Variants in PEAK1 observed in about 807,000 individuals in gnomAD.
PEAK1 encodes the protein pseudopodium enriched atypical kinase 1, also known as inactive tyrosine-protein kinase PEAK1.
PEAK1 carries 54 observed loss-of-function variants against 124.7 expected under a neutral mutation model. The ratio of observed to expected loss-of-function variants is 0.43; its 90% confidence interval spans 0.35 to 0.54. The LOEUF (loss-of-function observed/expected upper bound fraction) is 0.54. Ranked by LOEUF, PEAK1 falls within the 20% of genes least tolerant of loss-of-function variation. PEAK1 has a pLI of 0.01. For missense variants in PEAK1, 2,046 were observed against 2,134.5 expected, an observed-to-expected ratio of 0.96 and a Z score of 0.82; for synonymous variants, 719 against 760.0, an observed-to-expected ratio of 0.95 and a Z score of 0.89.
chr15:77,134,954 G>A (rs944319889), intron 8 of PEAK1, among the ~76,000 whole-genome samples: 2 of 152,144 alleles, frequency 1.3e-5, no homozygotes. Flanking sequence ...GACAGAGAGG[G>A]AAAACACTAC....
intron 6 of PEAK1, among the ~76,000 whole-genome samples, chr15:77,235,480 G>A (rs542688426): frequency 4.9e-4 from 75 of 152,290 alleles, no homozygotes; most frequent in African/African-American, 1.7e-3. Flanking sequence ...GAGATCTGTG[G>A]AACTTTGAAC....
intron 5 of PEAK1, among the ~76,000 whole-genome samples, chr15:77,273,881 C>T (rs1295385253): frequency 1.3e-5 from 2 of 152,080 alleles, no homozygotes; most frequent in Non-Finnish European, 2.9e-5. Context: ...TCAAACGATA[C>T]TATAAGGCCA....
intron 2 of PEAK1, chr15:77,349,121 C>G (rs975633091): frequency 9.5e-5 from 55 of 581,476 alleles, no homozygotes; most frequent in South Asian, 5.4e-4. Context: ...CTCACTGCAA[C>G]CTCCACCTCC....
chr15:77,252,606 T>A, intron 5 of PEAK1, 80 bp from the exon 6 acceptor site: 1 of 744,994 alleles, frequency 1.3e-6, no homozygotes, highest in Non-Finnish European at 1.6e-6. Flanking sequence ...TAGATATTCC[T>A]AATATCACCC....
chr15:77,377,399 A>G (rs2069115591), intron 1 of PEAK1, among the ~76,000 whole-genome samples: 1 of 151,932 alleles, frequency 6.6e-6, no homozygotes, highest in African/African-American at 2.4e-5. Flanking sequence ...ATAAAGTAAA[A>G]CACAATTACA....
At chr15:77,276,970 C>T (rs759691493) in intron 5 of PEAK1, among the ~76,000 whole-genome samples, 4 of 151,698 alleles carry the variant, frequency 2.6e-5, no homozygotes, top group Non-Finnish European at 4.4e-5. Flanking sequence ...GTAGTACAGC[C>T]GACTATGACT....
chr15:77,288,404 C>A (rs988424777), intron 2 of PEAK1, among the ~76,000 whole-genome samples: 1 of 152,184 alleles, frequency 6.6e-6, no homozygotes, highest in Non-Finnish European at 1.5e-5. Context: ...TCTCTGGAAA[C>A]CCTGACCACA....
intron 1 of PEAK1, among the ~76,000 whole-genome samples, chr15:77,383,787 G>A (rs1191597655): frequency 1.3e-5 from 2 of 151,980 alleles, no homozygotes. Context: ...GAATGACTTT[G>A]GTCAATCTAA....
chr15:77,145,270 G>A (rs2152760447), intron 8 of PEAK1, among the ~76,000 whole-genome samples: 1 of 152,260 alleles, frequency 6.6e-6, no homozygotes, highest in African/African-American at 2.4e-5. Flanking sequence ...GCAACATGGT[G>A]AAACCCCATC....
At chr15:77,288,544 G>A (rs995039649) in intron 2 of PEAK1, among the ~76,000 whole-genome samples, 1 of 152,192 alleles carries the variant, frequency 6.6e-6, no homozygotes, top group Non-Finnish European at 1.5e-5. Context: ...TAAAACCAGT[G>A]AGAAGGGAAA....
In PEAK1 at chr15:77,412,865, G is replaced by T. The variant is rs28391316; in HGVS notation, c.-666+7141C>A. Among the ~76,000 whole-genome samples the T allele has an allele frequency of 2.0e-3, 308 of 152,236 alleles. 1 individual carries two copies. Among genetic ancestry groups the T allele is most frequent in the African/African-American group, 7.1e-3 (295 of 41,530 alleles). On this transcript the variant is annotated intron_variant, in intron 1 of 9. Transcript: ENST00000682557. Reference sequence around the variant, plus strand: ...TGCATGTACATACGCATAAAAAAAGGATAGAAATATGCCAAAAAGACACAG... The same window carrying T: ...TGCATGTACATACGCATAAAAAAAGTATAGAAATATGCCAAAAAGACACAG...
chr15:77,331,941 T>C (rs2065912704), intron 2 of PEAK1, among the ~76,000 whole-genome samples: 1 of 151,922 alleles, frequency 6.6e-6, no homozygotes, highest in Non-Finnish European at 1.5e-5. Flanking sequence ...ATACATTTTC[T>C]AAACTGCTCT....
chr15:77,298,815 A>G (rs1005511408), intron 2 of PEAK1, among the ~76,000 whole-genome samples: 1 of 152,072 alleles, frequency 6.6e-6, no homozygotes, highest in African/African-American at 2.4e-5. Context: ...CTACACCTCC[A>G]AAAAACTGTC....
intron 2 of PEAK1, among the ~76,000 whole-genome samples, chr15:77,322,202 C>T (rs2065265895): frequency 6.6e-6 from 1 of 152,158 alleles, no homozygotes. Context: ...GACACTCTAA[C>T]ATCACAATTA....
chr15:77,235,698 A>C (rs1480122420), intron 6 of PEAK1, among the ~76,000 whole-genome samples: 1 of 152,224 alleles, frequency 6.6e-6, no homozygotes, highest in Non-Finnish European at 1.5e-5. Flanking sequence ...ACAATAGGGA[A>C]AATGTCTCCA....
At chr15:77,265,242 A>G (rs904282945) in intron 5 of PEAK1, among the ~76,000 whole-genome samples, 7 of 152,238 alleles carry the variant, frequency 4.6e-5, no homozygotes, top group African/African-American at 1.7e-4. Flanking sequence ...AACAAAAGCC[A>G]AAATTGACAA....
At chr15:77,402,089 C>T in intron 1 of PEAK1, 1 of 840,836 alleles carries the variant, frequency 1.2e-6, no homozygotes, top group Non-Finnish European at 1.4e-6. Context: ...ATCCCAGCTA[C>T]TATGGTGGCT....
chr15:77,318,908 T>C (rs993879329), intron 2 of PEAK1, among the ~76,000 whole-genome samples: 6 of 152,050 alleles, frequency 3.9e-5, no homozygotes, highest in African/African-American at 1.2e-4. Flanking sequence ...TAGTATTTGC[T>C]TTCCTGAACC....
intron 5 of PEAK1, among the ~76,000 whole-genome samples, chr15:77,264,309 C>A (rs2061600072): frequency 6.6e-6 from 1 of 152,058 alleles, no homozygotes; most frequent in Non-Finnish European, 1.5e-5. Context: ...AAGAGGAAGT[C>A]AAATTGTCCC....
Sources: gnomAD v4.1 joint callset for allele counts (sites outside exome capture counted in the v4.1 genomes callset) on GRCh38, gnomAD v4.1.1 for gene constraint, MANE v1.5 for transcripts, NCBI Gene and HGNC (gene_info 2026-07-23, HGNC 2026-07-21) for gene names.